The following SLC2A13 variants were observed in gnomAD, a reference collection of about 807,000 sequenced individuals.
SLC2A13 encodes the protein solute carrier family 2 member 13.
SLC2A13 carries 32 observed loss-of-function variants against 64.4 expected under a neutral mutation model. The observed-to-expected ratio is 0.50, with a 90% CI of 0.37 to 0.67. The LOEUF is 0.67. Ranked by LOEUF, SLC2A13 falls within the 30% of genes least tolerant of loss-of-function variation. The pLI is 0.00. For synonymous variants in SLC2A13, 338 were observed against 327.1 expected (o/e 1.03, Z -0.36); for missense variants, 743 against 829.2 (o/e 0.90, Z 1.28).
chr12:40,006,070 A>C (rs181122013), intron 3 of SLC2A13, among the ~76,000 whole-genome samples: 1 of 151,926 alleles, frequency 6.6e-6, no homozygotes, highest in East Asian at 1.9e-4. Flanking sequence ...AAGTCTAAAC[A>C]TACTCAACTT....
intron 4 of SLC2A13, among the ~76,000 whole-genome samples, chr12:39,880,937 C>G (rs1944322631): frequency 6.6e-6 from 1 of 152,192 alleles, no homozygotes. Flanking sequence ...TACATGCCCA[C>G]TGGACATTGA....
intron 3 of SLC2A13, among the ~76,000 whole-genome samples, chr12:39,994,332 G>A (rs1175597874): frequency 2.0e-5 from 3 of 148,934 alleles, no homozygotes; most frequent in East Asian, 2.0e-4. Flanking sequence ...GCAGTGAGCC[G>A]AGATTGTGCC....
intron 3 of SLC2A13, among the ~76,000 whole-genome samples, chr12:39,974,720 G>A (rs990538430): frequency 6.6e-6 from 1 of 152,140 alleles, no homozygotes; most frequent in African/African-American, 2.4e-5. Flanking sequence ...CAAATGGCAT[G>A]GGGCAATGAT....
chr12:39,896,505 TGTAC>T (rs1944903870), intron 4 of SLC2A13, among the ~76,000 whole-genome samples: 4 of 146,644 alleles, frequency 2.7e-5, no homozygotes, highest in Admixed American at 7.0e-5. Flanking sequence ...CATATATGTA[TGTAC>T]ATGTGTGTAT....
intron 6 of SLC2A13, among the ~76,000 whole-genome samples, chr12:39,853,373 C>T (rs1463153671): frequency 6.6e-6 from 1 of 151,810 alleles, no homozygotes. Context: ...ATCTTTATGA[C>T]AGATTTCTCA....
At chr12:39,850,922 T>C (rs1297636115) in intron 6 of SLC2A13, among the ~76,000 whole-genome samples, 2 of 151,738 alleles carry the variant, frequency 1.3e-5, no homozygotes, top group Non-Finnish European at 2.9e-5. Context: ...TTTTTTGAGA[T>C]GGAGTCTTGC....
chr12:39,948,832 A>T (rs1305605352), intron 4 of SLC2A13, among the ~76,000 whole-genome samples: 2 of 152,172 alleles, frequency 1.3e-5, no homozygotes, highest in African/African-American at 4.8e-5. Context: ...ATATCCATAG[A>T]AAAGATATTC....
At chr12:39,873,003 A>G (rs1248303309) in intron 4 of SLC2A13, among the ~76,000 whole-genome samples, 3 of 152,214 alleles carry the variant, frequency 2.0e-5, no homozygotes, top group East Asian at 1.9e-4. Context: ...TAATATTTCA[A>G]AAATCAAATC....
At chr12:40,043,671 T>G (rs1197033643) in intron 2 of SLC2A13, among the ~76,000 whole-genome samples, 1 of 152,100 alleles carries the variant, frequency 6.6e-6, no homozygotes, top group Non-Finnish European at 1.5e-5. Context: ...GCGATAGAAC[T>G]TTATCATTAA....
At chr12:40,086,590 C>T (rs1938594462) in intron 1 of SLC2A13, among the ~76,000 whole-genome samples, 1 of 152,134 alleles carries the variant, frequency 6.6e-6, no homozygotes, top group South Asian at 2.1e-4. Flanking sequence ...CATGCTTTTT[C>T]TTATTACACC....
At chr12:39,871,169 A>G in intron 5 of SLC2A13, among the ~76,000 whole-genome samples, 1 of 152,216 alleles carries the variant, frequency 6.6e-6, no homozygotes, top group East Asian at 1.9e-4. Context: ...GTCCTTGTGT[A>G]CAGTGAAATA....
chr12:39,872,004 A>G, intron 4 of SLC2A13, 43 bp from the exon 5 acceptor site: 1 of 1,454,976 alleles, frequency 6.9e-7, no homozygotes, highest in Non-Finnish European at 9.1e-7. Context: ...ATAGTTACCC[A>G]AAGAAACAGG....
intron 7 of SLC2A13, among the ~76,000 whole-genome samples, chr12:39,811,472 T>G (rs1942156792): frequency 6.6e-6 from 1 of 152,162 alleles, no homozygotes; most frequent in Admixed American, 6.5e-5. Flanking sequence ...AAGTATTGCT[T>G]TAGCTGTCCC....
chr12:39,926,483 T>C (rs1002580696), intron 4 of SLC2A13, among the ~76,000 whole-genome samples: 6 of 152,238 alleles, frequency 3.9e-5, no homozygotes, highest in African/African-American at 1.4e-4. Context: ...AAATGAGATA[T>C]GTGACAGCGT....
intron 3 of SLC2A13, among the ~76,000 whole-genome samples, chr12:40,020,282 G>A (rs928777466): frequency 1.3e-5 from 2 of 152,200 alleles, no homozygotes; most frequent in African/African-American, 4.8e-5. Context: ...AACCCCAGGT[G>A]TCAAGGAAGG....
At chr12:40,075,328 T>C (rs1938128083) in intron 1 of SLC2A13, among the ~76,000 whole-genome samples, 1 of 152,166 alleles carries the variant, frequency 6.6e-6, no homozygotes, top group Non-Finnish European at 1.5e-5. Flanking sequence ...CAAGCAATGT[T>C]TCCCATGGAA....
At chr12:39,999,931 C>T (rs185720501) in intron 3 of SLC2A13, among the ~76,000 whole-genome samples, 1 of 152,320 alleles carries the variant, frequency 6.6e-6, no homozygotes, top group East Asian at 1.9e-4. Context: ...TGTGATGTCA[C>T]CCCTGGAGGC....
In SLC2A13 at chr12:40,030,039, T is replaced by C. The variant is rs181537377; in HGVS notation, c.717-1530A>G. ...TTAGTTAACTTGCACACAGTAGGCA[T>C]TGAGTACATATTTTATGAAATAACA... On this transcript the variant is annotated intron_variant, in intron 2 of 9. Coordinates refer to ENST00000280871, the MANE Select transcript of SLC2A13 (RefSeq NM_052885.4). Among the ~76,000 whole-genome samples, 6 of 152,340 alleles carry C rather than the reference T, an allele frequency of 3.9e-5. No homozygotes were observed. In the East Asian group the frequency reaches 7.7e-4, roughly 20 times the overall value.
chr12:39,862,188 C>T (rs1221799045), intron 6 of SLC2A13, among the ~76,000 whole-genome samples: 1 of 152,200 alleles, frequency 6.6e-6, no homozygotes, highest in African/African-American at 2.4e-5. Flanking sequence ...TTAAAATATT[C>T]TAAAAAGGAG....
Sources: gnomAD v4.1 joint callset for allele counts (sites outside exome capture counted in the v4.1 genomes callset) on GRCh38, gnomAD v4.1.1 for gene constraint, MANE v1.5 for transcripts, NCBI Gene and HGNC (gene_info 2026-07-23, HGNC 2026-07-21) for gene names.